Variants in PCDH15 observed in about 807,000 individuals in gnomAD.
PCDH15 encodes protocadherin related 15, also known as protocadherin-15.
In PCDH15, 129 loss-of-function variants were observed where a neutral mutation model predicts 178.5. The ratio of observed to expected loss-of-function variants is 0.72; its 90% CI spans 0.63 to 0.84. PCDH15 has a LOEUF of 0.84. Ranked by LOEUF, PCDH15 falls within the 40% of genes least tolerant of loss-of-function variation. The probability of loss-of-function intolerance (pLI) is 0.00; values close to 1 mark genes in which losing one functional copy is unlikely to be tolerated. For missense variants in PCDH15, 2,230 were observed against 2,099.9 expected, an observed-to-expected ratio of 1.06 and a Z score of -1.21; for synonymous variants, 800 against 732.0, an observed-to-expected ratio of 1.09 and a Z score of -1.50.
At position 54,224,548 on chromosome 10, in the gene PCDH15, T is replaced by G. The variant is rs2053221750; in HGVS notation, c.986-10500A>C. Among the ~76,000 whole-genome samples, 3 of 152,112 alleles carry G rather than the reference T, an allele frequency of 2.0e-5. No individual in the cohort carries two copies. In the South Asian group the frequency reaches 6.2e-4, roughly 31 times the overall value. ...ATTTCTTTTTAGTCATTCCCTTATT[T>G]GATCTTGGGATTAATTATATTAATA... is the stretch of plus-strand genomic sequence containing the variant. On this transcript the variant is annotated intron_variant, in intron 9 of 37. Transcript: ENST00000644397.
Position 53,807,096 on chromosome 10 carries a change from T to TCAA in PCDH15, c.4703_4705dup (p.Val1568dup), listed in dbSNP as rs748372250. ...AGTTGAGCTGGTTTCATACTCTCGA[T>TCAA]CAACAACTAACTTGATCATTCTTTT... On this transcript the variant is annotated inframe_insertion, in exon 38 of 38. Coordinates refer to ENST00000644397, the MANE Select transcript of PCDH15 (RefSeq NM_001384140.1). 28 of 1,611,756 alleles carry TCAA rather than the reference T, an allele frequency of 1.7e-5. No individual in the cohort carries two copies. In the East Asian group the frequency reaches 5.6e-4, roughly 32 times the overall value.
chr10:54,520,723 C>T (rs897745670), intron 3 of PCDH15, among the ~76,000 whole-genome samples: 1 of 151,162 alleles, frequency 6.6e-6, no homozygotes, highest in African/African-American at 2.4e-5. Context: ...GATATATACC[C>T]AAAGGACTAT....
chr10:55,478,734 C>T (rs1346147018), intron 2 of PCDH15, among the ~76,000 whole-genome samples: 1 of 150,632 alleles, frequency 6.6e-6, no homozygotes, highest in African/African-American at 2.4e-5. Context: ...AAAAAGTTGA[C>T]AAATCTTTAA....
chr10:53,992,391 T>C (rs2091579165), intron 21 of PCDH15, among the ~76,000 whole-genome samples: 1 of 152,162 alleles, frequency 6.6e-6, no homozygotes, highest in South Asian at 2.1e-4. Flanking sequence ...GGAGACAATA[T>C]TAAACATGTT....
chr10:55,482,638 A>G (rs1454759553), intron 2 of PCDH15, among the ~76,000 whole-genome samples: 2 of 151,794 alleles, frequency 1.3e-5, no homozygotes, highest in Non-Finnish European at 2.9e-5. Context: ...AACATTGAAT[A>G]TTGGCCCCCA....
intron 1 of PCDH15, among the ~76,000 whole-genome samples, chr10:55,188,700 A>C (rs1263028732): frequency 6.6e-6 from 1 of 151,868 alleles, no homozygotes; most frequent in African/African-American, 2.4e-5. Context: ...AAATAAAGTT[A>C]TGGTCCTTTA....
At chr10:55,300,681 GAA>G (rs1843251568) in intron 1 of PCDH15, among the ~76,000 whole-genome samples, 1 of 152,078 alleles carries the variant, frequency 6.6e-6, no homozygotes, top group African/African-American at 2.4e-5. Context: ...ATTCAATTTA[GAA>G]AAACATGTAT....
At chr10:54,479,447 A>G (rs558014032) in intron 3 of PCDH15, among the ~76,000 whole-genome samples, 2 of 152,082 alleles carry the variant, frequency 1.3e-5, no homozygotes, top group East Asian at 1.9e-4. Flanking sequence ...CTAATTATCT[A>G]ATTTATGTGT....
intron 2 of PCDH15, among the ~76,000 whole-genome samples, chr10:55,127,383 T>C (rs1470931697): frequency 1.3e-5 from 2 of 152,104 alleles, no homozygotes; most frequent in Non-Finnish European, 2.9e-5. Flanking sequence ...GGTTTATTTA[T>C]GCCCTTATTG....
chr10:54,701,373 A>G (rs1384301585), intron 1 of PCDH15, among the ~76,000 whole-genome samples: 1 of 152,074 alleles, frequency 6.6e-6, no homozygotes, highest in South Asian at 2.1e-4. Context: ...ACATAAATCG[A>G]CATTCTAAAG....
chr10:54,521,530 C>G (rs1419836819), intron 3 of PCDH15, among the ~76,000 whole-genome samples: 3 of 152,074 alleles, frequency 2.0e-5, no homozygotes, highest in Admixed American at 6.6e-5. Flanking sequence ...TGTGAAGCTG[C>G]TACTATTGAA....
chr10:54,947,708 C>T (rs140537959), intron 2 of PCDH15, among the ~76,000 whole-genome samples: 3 of 152,082 alleles, frequency 2.0e-5, no homozygotes, highest in African/African-American at 7.2e-5. Flanking sequence ...CTTGTTCCAT[C>T]TTCCTATATT....
In PCDH15 at chr10:55,530,023, C is replaced by G. The variant is rs919916734; in HGVS notation, c.-156+97602G>C. Among the ~76,000 whole-genome samples, 14 of 151,420 alleles carry G rather than the reference C, an allele frequency of 9.2e-5. No individual in the cohort carries two copies. The Admixed American group carries it at 9.3e-4, about 10-fold the overall frequency. ...TTACCTGAGTGCAATAGGAGTATAACAAGTGAAGTCACCTTTATTAAAATG... is the reference window on the plus strand; with the variant it reads ...TTACCTGAGTGCAATAGGAGTATAAGAAGTGAAGTCACCTTTATTAAAATG... On this transcript the variant is annotated intron_variant, in intron 2 of 5. Coordinates refer to the PCDH15 transcript ENST00000613346.
intron 14 of PCDH15, among the ~76,000 whole-genome samples, chr10:54,145,723 G>T (rs1179867386): frequency 6.6e-6 from 1 of 152,038 alleles, no homozygotes; most frequent in Admixed American, 6.6e-5. Flanking sequence ...CTAAAGAGAA[G>T]GGTGTAAGTA....
At chr10:54,416,767 C>G (rs982419695) in intron 3 of PCDH15, among the ~76,000 whole-genome samples, 1 of 152,128 alleles carries the variant, frequency 6.6e-6, no homozygotes, top group East Asian at 1.9e-4. Context: ...GCCTATTTCT[C>G]TACAGTCTCA....
intron 18 of PCDH15, among the ~76,000 whole-genome samples, chr10:54,029,770 T>C (rs533551325): frequency 5.7e-4 from 87 of 152,276 alleles, no homozygotes; most frequent in African/African-American, 2.0e-3. Flanking sequence ...CCCCACCCCT[T>C]TTTTTCTCAT....
intron 1 of PCDH15, among the ~76,000 whole-genome samples, chr10:55,172,995 T>C (rs1839380448): frequency 1.3e-5 from 2 of 152,024 alleles, no homozygotes; most frequent in South Asian, 2.1e-4. Flanking sequence ...CTGAATCATA[T>C]TGCAAAGATG....
intron 2 of PCDH15, among the ~76,000 whole-genome samples, chr10:55,084,936 T>C (rs899795780): frequency 6.6e-6 from 1 of 151,852 alleles, no homozygotes; most frequent in African/African-American, 2.4e-5. Flanking sequence ...CAAATGCAGA[T>C]GAGGATGTGA....
At chr10:53,904,462 A>G (rs938232393) in intron 25 of PCDH15, among the ~76,000 whole-genome samples, 24 of 117,628 alleles carry the variant, frequency 2.0e-4, no homozygotes, top group African/African-American at 7.8e-4. Context: ...AGAACTTAGA[A>G]ATAGTCTTTT....
Sources: gnomAD v4.1 joint callset for allele counts (sites outside exome capture counted in the v4.1 genomes callset) on GRCh38, gnomAD v4.1.1 for gene constraint, MANE v1.5 for transcripts, NCBI Gene and HGNC (gene_info 2026-07-23, HGNC 2026-07-21) for gene names.